Variants in ADCY10 observed in about 807,000 individuals in gnomAD.
The protein encoded by ADCY10 is adenylate cyclase 10.
In ADCY10, 156 loss-of-function variants were observed where a neutral mutation model predicts 183.3. The ratio of observed to expected loss-of-function variants is 0.85; its 90% CI spans 0.75 to 0.97. The LOEUF (loss-of-function observed/expected upper bound fraction) is 0.97, where lower values mean the gene tolerates loss of function less well. ADCY10 is among the 50% of genes least tolerant of loss of function. The pLI, the probability that ADCY10 is intolerant of heterozygous loss-of-function variation, is 0.00. For synonymous variants in ADCY10, 645 were observed against 670.0 expected (o/e 0.96, Z 0.58); for missense variants, 1,745 against 1,934.3 (o/e 0.90, Z 1.84).
At chr1:167,856,007 G>A (rs181082902) in intron 17 of ADCY10, among the ~76,000 whole-genome samples, 158 bp downstream of exon 17, 12 of 152,056 alleles carry the variant, frequency 7.9e-5, no homozygotes, top group African/African-American at 2.7e-4. Context: ...TGTCTCAAAA[G>A]AAAACAGAAA....
chr1:167,898,494 G>A (rs1044925138), intron 6 of ADCY10, among the ~76,000 whole-genome samples: 2 of 152,102 alleles, frequency 1.3e-5, no homozygotes, highest in African/African-American at 4.8e-5. Flanking sequence ...CAGCGACTCG[G>A]AAGGTTGAGG....
At chr1:167,881,350 T>C (rs1239133148) in intron 9 of ADCY10, among the ~76,000 whole-genome samples, 1 of 152,238 alleles carries the variant, frequency 6.6e-6, no homozygotes, top group Non-Finnish European at 1.5e-5. Context: ...GGTTGAAATT[T>C]TGAGTTTTTG....
intron 25 of ADCY10, among the ~76,000 whole-genome samples, chr1:167,830,899 T>G (rs1390684578): frequency 2.6e-5 from 4 of 152,132 alleles, no homozygotes; most frequent in African/African-American, 9.7e-5. Context: ...GAATGCAACT[T>G]TTGTCTCACC....
chr1:167,860,297 G>T (rs1008494548), intron 15 of ADCY10, among the ~76,000 whole-genome samples: 1 of 152,146 alleles, frequency 6.6e-6, no homozygotes, highest in Non-Finnish European at 1.5e-5. Context: ...CTCATAAGGA[G>T]CATGCAACCT....
At chr1:167,901,094 G>A (rs924797640) in intron 5 of ADCY10, among the ~76,000 whole-genome samples, 4 of 152,126 alleles carry the variant, frequency 2.6e-5, no homozygotes, top group Non-Finnish European at 5.9e-5. Flanking sequence ...TATAGTGTGC[G>A]TAATGTTTGC....
rs140743609 is a variant in ADCY10 at position 167,859,605 on chromosome 1, C to T, written c.1896+202G>A. 1.9e-3 allele frequency among the ~76,000 whole-genome samples: 286 copies of T among 152,232 alleles called. 2 individuals are homozygous for T. Among genetic ancestry groups the T allele is most frequent in the African/African-American group, 6.3e-3 (260 of 41,524 alleles). ...GACTCCTAGGAGTAATGTTAAGGGACTCTTTTCAAGGCATCTAAATTCTAA... is the reference window on the plus strand; with the variant it reads ...GACTCCTAGGAGTAATGTTAAGGGATTCTTTTCAAGGCATCTAAATTCTAA... On this transcript the variant is annotated intron_variant, in intron 16 of 32. Coordinates refer to ENST00000367851, the MANE Select transcript of ADCY10 (RefSeq NM_018417.6).
At chr1:167,838,595 G>A (rs913438208) in intron 21 of ADCY10, among the ~76,000 whole-genome samples, 7 of 152,166 alleles carry the variant, frequency 4.6e-5, no homozygotes, top group African/African-American at 1.4e-4. Flanking sequence ...CCTCAGTTTG[G>A]TCCTGGGCTC....
Position 167,836,459 on chromosome 1 carries a change from G to A in ADCY10, c.3159C>T (p.Ile1053=), listed in dbSNP as rs1411373695. Reference sequence around the variant, plus strand: ...CTTCACACTGGCAAGATTCCAGAGGGATAATGTCTTCGTCAGATGTCTTCA... The same window carrying A: ...CTTCACACTGGCAAGATTCCAGAGGAATAATGTCTTCGTCAGATGTCTTCA... ...TKMKTSDEDI[I]PLESCQCEEI... The change falls in exon 23 of 33, where the codon ATC becomes ATT. Residue 1053 remains isoleucine (I), a synonymous_variant. Coordinates refer to ENST00000367851, the MANE Select transcript of ADCY10 (RefSeq NM_018417.6). 1.2e-6 allele frequency: 2 copies of A among 1,613,968 alleles called. No individual in the cohort carries two copies. Among genetic ancestry groups the A allele is most frequent in the African/African-American group, 2.7e-5 (2 of 74,934 alleles).
chr1:167,836,237 G>A lies in ADCY10; in HGVS notation c.3309+72C>T, dbSNP rs190117224. On this transcript the variant is annotated intron_variant, in intron 23 of 32. Coordinates refer to ENST00000367851, the MANE Select transcript of ADCY10 (RefSeq NM_018417.6). ...ACGTGAAGTAATCAGAAAGCATGCT[G>A]GAGCTTCCTTCTGGCTCTATGTTCT... 3.6e-5 allele frequency: 36 copies of A among 1,010,170 alleles called. No homozygotes were observed. In the East Asian group the frequency reaches 9.1e-4, roughly 26 times the overall value. The allele number at this position is 1,010,170 out of a possible 1,614,324, so 62.6% of individuals were successfully genotyped here.
At chr1:167,898,417 G>A (rs1669154247) in intron 6 of ADCY10, among the ~76,000 whole-genome samples, 1 of 151,830 alleles carries the variant, frequency 6.6e-6, no homozygotes, top group African/African-American at 2.4e-5. Flanking sequence ...TGGCCAAGAT[G>A]GTGAAACCCC....
intron 14 of ADCY10, among the ~76,000 whole-genome samples, chr1:167,869,654 G>C (rs931652839): frequency 6.6e-6 from 1 of 152,016 alleles, no homozygotes; most frequent in Non-Finnish European, 1.5e-5. Context: ...GAAATCTCTC[G>C]TTCTGTTCTG....
chr1:167,893,767 G>A, intron 8 of ADCY10, 86 bp downstream of exon 8: 1 of 809,464 alleles, frequency 1.2e-6, no homozygotes, highest in Non-Finnish European at 2.1e-6. Flanking sequence ...ACTAGTAGCT[G>A]CTGTTTTTTT....
rs1238350720 is a variant in ADCY10 at position 167,841,941 on chromosome 1, C to G, written c.3007+3622G>C. Among the ~76,000 whole-genome samples, 3 of 152,160 alleles carry G rather than the reference C, an allele frequency of 2.0e-5. No homozygotes were observed. The East Asian group carries it at 5.8e-4, about 29-fold the overall frequency. ...AATGCTGAATGAAAGTTCAACATAT[C>G]TGTAGAAGATAAAGGAGTGAGAAGA... On this transcript the variant is annotated intron_variant, in intron 21 of 32. Transcript: ENST00000367851.
chr1:167,878,394 T>C (rs1667627152), intron 12 of ADCY10, 52 bp downstream of exon 12: 7 of 1,585,216 alleles, frequency 4.4e-6, no homozygotes, highest in Non-Finnish European at 6.1e-6. Context: ...GCTATCATAA[T>C]TCTCCCGCTT....
intron 30 of ADCY10, 50 bp from the exon 31 acceptor site, chr1:167,818,317 AGGCT>A (rs1344504256): frequency 1.3e-6 from 2 of 1,538,850 alleles, no homozygotes; most frequent in Non-Finnish European, 1.8e-6. Flanking sequence ...CATTAGGAAT[AGGCT>A]GGCTTTCTGA....
intron 25 of ADCY10, among the ~76,000 whole-genome samples, chr1:167,830,237 C>T (rs1446890240): frequency 3.3e-5 from 5 of 152,204 alleles, no homozygotes; most frequent in African/African-American, 1.2e-4. Context: ...TTTCCTCCAG[C>T]CCACTTTTCC....
chr1:167,878,767 T>G (rs1667672530), intron 11 of ADCY10, 132 bp from the exon 12 acceptor site: 2 of 907,280 alleles, frequency 2.2e-6, no homozygotes, highest in Non-Finnish European at 3.5e-6. Context: ...CACAGAAGCC[T>G]AGTCTCAAGA....
intron 8 of ADCY10, 30 bp from the exon 9 acceptor site, chr1:167,883,658 T>C: frequency 6.2e-7 from 1 of 1,612,484 alleles, no homozygotes. Flanking sequence ...TTTCTGTAGG[T>C]GTCCTTGGCA....
intron 12 of ADCY10, among the ~76,000 whole-genome samples, chr1:167,877,570 T>C (rs1667558588): frequency 6.6e-6 from 1 of 152,100 alleles, no homozygotes; most frequent in African/African-American, 2.4e-5. Flanking sequence ...ACTGGGGATA[T>C]AAGAATAAAG....
Sources: gnomAD v4.1 joint callset for allele counts (sites outside exome capture counted in the v4.1 genomes callset) on GRCh38, gnomAD v4.1.1 for gene constraint, MANE v1.5 for transcripts, NCBI Gene and HGNC (gene_info 2026-07-23, HGNC 2026-07-21) for gene names.